Variants in TRUB1 observed in about 807,000 individuals in gnomAD.
TRUB1 encodes TruB pseudouridine synthase family member 1.
In TRUB1, 23 loss-of-function variants were observed where a neutral mutation model predicts 33.9. The observed-to-expected ratio is 0.68, with a 90% CI of 0.49 to 0.96. TRUB1 has a LOEUF of 0.96. TRUB1 is among the 40% of genes least tolerant of loss of function. The probability of loss-of-function intolerance (pLI) is 0.00; values close to 1 mark genes in which losing one functional copy is unlikely to be tolerated. For missense variants in TRUB1, 378 were observed against 422.2 expected, an observed-to-expected ratio of 0.90 and a Z score of 0.92; for synonymous variants, 163 against 165.4, an observed-to-expected ratio of 0.99 and a Z score of 0.11.
Position 114,977,620 on chromosome 10 carries a change from T to A in TRUB1, c.*2241T>A, listed in dbSNP as rs1489133226. ...AAAGTTTTTCTGATTTGCTTTTATG[T>A]GATTTATCTGTATACTTTGTTCATT... On this transcript the variant is annotated 3_prime_UTR_variant, in exon 8 of 8. Transcript: ENST00000298746. The A allele has an allele frequency of 3.3e-5, 5 of 152,050 alleles. No individual in the cohort carries two copies. The highest frequency in any genetic ancestry group is 6.6e-5 in the Admixed American group (1 of 15,260). The allele number at this position is 152,050 out of a possible 1,614,324, so 9.4% of individuals were successfully genotyped here. A position where few individuals can be genotyped will look rare whatever the true frequency, so the allele number is the denominator to read the frequency against.
At chr10:114,943,598 A>G (rs1023966301) in intron 2 of TRUB1, among the ~76,000 whole-genome samples, 3 of 152,232 alleles carry the variant, frequency 2.0e-5, no homozygotes, top group African/African-American at 4.8e-5. Flanking sequence ...TGAGAGAAAC[A>G]TTGCACATGT....
chr10:114,968,189 G>A (rs2084319084), intron 4 of TRUB1, among the ~76,000 whole-genome samples: 1 of 152,256 alleles, frequency 6.6e-6, no homozygotes, highest in East Asian at 1.9e-4. Context: ...CACAAACCAC[G>A]AATGCTTGAC....
chr10:114,947,475 CAG>C (rs2084216312), intron 2 of TRUB1, among the ~76,000 whole-genome samples: 1 of 152,212 alleles, frequency 6.6e-6, no homozygotes, highest in African/African-American at 2.4e-5. Context: ...GTTATAGAAA[CAG>C]TGAGAAAATT....
intron 5 of TRUB1, among the ~76,000 whole-genome samples, chr10:114,971,302 G>A (rs1052748162): frequency 2.0e-5 from 3 of 152,118 alleles, no homozygotes; most frequent in Non-Finnish European, 2.9e-5. Context: ...ATAATACCAT[G>A]TAGCCATATT....
At position 114,950,878 on chromosome 10, in the gene TRUB1, G is replaced by A. The variant is rs191469629; in HGVS notation, c.386-216G>A. On this transcript the variant is annotated intron_variant, in intron 2 of 7. Coordinates refer to ENST00000298746, the MANE Select transcript of TRUB1 (RefSeq NM_139169.5). ...TACTGAGTTTAATACTTTGAGAATG[G>A]GGAGAAAGGTCTTCTCTTGTCCCTT... Among the ~76,000 whole-genome samples, 133 of 152,076 alleles carry A rather than the reference G, an allele frequency of 8.7e-4. 2 individuals carry two copies. The highest frequency in any genetic ancestry group is 2.4e-3 in the African/African-American group (98 of 41,546).
intron 3 of TRUB1, among the ~76,000 whole-genome samples, chr10:114,951,841 C>A (rs527854565): frequency 1.9e-4 from 29 of 152,090 alleles, no homozygotes; most frequent in African/African-American, 6.7e-4. Context: ...GCTTAGTATG[C>A]CAAGAGGTAG....
intron 4 of TRUB1, among the ~76,000 whole-genome samples, chr10:114,970,091 C>T (rs1177123026): frequency 6.6e-6 from 1 of 152,022 alleles, no homozygotes; most frequent in African/African-American, 2.4e-5. Flanking sequence ...TCAGAACCAA[C>T]TGAATATATA....
intron 5 of TRUB1, among the ~76,000 whole-genome samples, chr10:114,970,742 G>A (rs2084333113): frequency 6.6e-6 from 1 of 152,154 alleles, no homozygotes; most frequent in Admixed American, 6.5e-5. Flanking sequence ...GCCCAGAGAT[G>A]TCTCTTTTCC....
chr10:114,972,142 G>T lies in TRUB1; in HGVS notation c.604G>T (p.Ala202Ser). 6.2e-7 allele frequency: 1 copy of T among 1,612,676 alleles called. No individual in the cohort carries two copies. The highest frequency in any genetic ancestry group is 8.5e-7 in the Non-Finnish European group (1 of 1,179,538). Residue 202 changes from alanine (A) to serine (S), a missense_variant, in exon 6 of 8, where the codon GCA becomes TCA. Transcript: ENST00000298746. ...NIMQVPPLYSALKKDGQRLST... is the reference protein window; with the variant it reads ...NIMQVPPLYSSLKKDGQRLST... ...CTTCTCTCATCTCACAAGCTATTCT[G>T]CATTAAAGAAAGATGGACAAAGACT...
At chr10:114,962,700 G>T (rs2084289489) in intron 4 of TRUB1, among the ~76,000 whole-genome samples, 1 of 152,146 alleles carries the variant, frequency 6.6e-6, no homozygotes, top group East Asian at 1.9e-4. Context: ...ATGAAGAATT[G>T]TCCTGTGTAC....
intron 3 of TRUB1, among the ~76,000 whole-genome samples, chr10:114,954,145 T>C (rs1254101242): frequency 2.0e-5 from 3 of 152,176 alleles, no homozygotes; most frequent in African/African-American, 7.2e-5. Flanking sequence ...TTTTGACAGA[T>C]GAATTTTTAT....
chr10:114,953,059 T>G (rs2084244289), intron 3 of TRUB1, among the ~76,000 whole-genome samples: 1 of 152,206 alleles, frequency 6.6e-6, no homozygotes, highest in Non-Finnish European at 1.5e-5. Context: ...AGATATTCGT[T>G]GTTCACCCCT....
intron 5 of TRUB1, 141 bp from the exon 6 acceptor site, chr10:114,971,994 T>G: frequency 1.1e-6 from 1 of 919,968 alleles, no homozygotes; most frequent in African/African-American, 1.7e-5. Flanking sequence ...ATTCATTTTT[T>G]AGAAGGATTT....
intron 4 of TRUB1, among the ~76,000 whole-genome samples, chr10:114,962,024 G>C (rs1402642306): frequency 6.6e-6 from 1 of 152,180 alleles, no homozygotes; most frequent in African/African-American, 2.4e-5. Flanking sequence ...ATATAAGTAA[G>C]AAATAAAAGT....
At chr10:114,944,000 C>CTTTTTTTT (rs573847481) in intron 2 of TRUB1, among the ~76,000 whole-genome samples, 1 of 101,542 alleles carries the variant, frequency 9.8e-6, no homozygotes, top group Non-Finnish European at 1.9e-5. Flanking sequence ...TTTATTCCAT[C>CTTTTTTTT]TTTTTTTTTT....
At chr10:114,958,101 C>T (rs538465482) in intron 3 of TRUB1, among the ~76,000 whole-genome samples, 18 of 152,256 alleles carry the variant, frequency 1.2e-4, no homozygotes, top group East Asian at 1.2e-3. Flanking sequence ...AAGCTCCAGC[C>T]GGAAAGACTA....
At chr10:114,974,858 A>G (rs965908571) in intron 7 of TRUB1, among the ~76,000 whole-genome samples, 3 of 152,154 alleles carry the variant, frequency 2.0e-5, no homozygotes, top group African/African-American at 7.2e-5. Flanking sequence ...TCTTTACTCC[A>G]TGGGGTTGGC....
At position 114,951,233 on chromosome 10, in the gene TRUB1, C is replaced by G; in HGVS notation, c.441+84C>G. The G allele has an allele frequency of 3.0e-6, 3 of 1,004,424 alleles. No individual in the cohort carries two copies. In the South Asian group the frequency reaches 4.3e-5, roughly 14 times the overall value. 62.2% of individuals were successfully genotyped at this position (1,004,424 alleles called of 1,614,324 possible). A position where few individuals can be genotyped will look rare whatever the true frequency, so the allele number is the denominator to read the frequency against. Reference sequence around the variant, plus strand: ...GGGTTTTTATCAAATAAAAAATAAACTGAGTAAACTGCATGAATGGGTATC... The same window carrying G: ...GGGTTTTTATCAAATAAAAAATAAAGTGAGTAAACTGCATGAATGGGTATC... On this transcript the variant is annotated intron_variant, in intron 3 of 7. Coordinates refer to ENST00000298746, the MANE Select transcript of TRUB1 (RefSeq NM_139169.5).
chr10:114,938,341 GCAATGGCTGCGAC>G lies in TRUB1; in HGVS notation c.90_102del (p.Met31ArgfsTer34). ...CCTTGAAACTGCAGGAACGGTCGCAGCAATGGCTGCGACCCCGTCAGCAAGGGCTGCAGCCGCG... is the reference window on the plus strand; with the variant it reads ...CCTTGAAACTGCAGGAACGGTCGCAGCCCGTCAGCAAGGGCTGCAGCCGCG... On this transcript the variant is annotated frameshift_variant, in exon 1 of 8. Transcript: ENST00000298746. LOFTEE classifies it high-confidence loss of function. 1 of 1,608,646 alleles carries G rather than the reference GCAATGGCTGCGAC, an allele frequency of 6.2e-7. No homozygotes were observed. Among genetic ancestry groups the G allele is most frequent in the South Asian group, 1.1e-5 (1 of 90,562 alleles).
Sources: gnomAD v4.1 joint callset for allele counts (sites outside exome capture counted in the v4.1 genomes callset) on GRCh38, gnomAD v4.1.1 for gene constraint, MANE v1.5 for transcripts, NCBI Gene and HGNC (gene_info 2026-07-23, HGNC 2026-07-21) for gene names.